The following VWF variants were observed in gnomAD, a reference collection of about 807,000 sequenced individuals.
VWF encodes the protein Factor VIII related antigen.
A neutral mutation model predicts 308.6 loss-of-function variants in VWF; 176 were observed. The observed-to-expected ratio is 0.57, with a 90% CI of 0.50 to 0.65. VWF has a LOEUF of 0.65. VWF is among the 30% of genes least tolerant of loss of function. The probability of loss-of-function intolerance (pLI) is 0.00; values close to 1 mark genes in which losing one functional copy is unlikely to be tolerated. For missense variants in VWF, 3,146 were observed against 3,648.2 expected (o/e 0.86, Z 3.55); for synonymous variants, 1,385 against 1,443.4 (o/e 0.96, Z 0.92).
At chr12:6,087,452 G>A (rs1446982247) in intron 6 of VWF, among the ~76,000 whole-genome samples, 3 of 141,814 alleles carry the variant, frequency 2.1e-5, no homozygotes, top group East Asian at 2.4e-4. Flanking sequence ...TTCGCCTCCC[G>A]GGTTCACGCC....
Position 6,046,955 on chromosome 12 carries a change from A to AACGTTACCAATGGATGATCCCC in VWF, c.2187-160_2187-139dup. The AACGTTACCAATGGATGATCCCC allele has an allele frequency of 1.3e-6, 1 of 757,976 alleles. No individual in the cohort carries two copies. The highest frequency in any genetic ancestry group is 1.5e-5 in the South Asian group (1 of 67,774). The allele number at this position is 757,976 out of a possible 1,614,324, so 47.0% of individuals were successfully genotyped here. On this transcript the variant is annotated intron_variant, in intron 16 of 51. Coordinates refer to ENST00000261405, the MANE Select transcript of VWF (RefSeq NM_000552.5). This position sits in a 1 kb window ranked among gnomAD's most constrained non-coding sequence, Gnocchi z 5.0. ...AACCCCTCCTGAAGCACAGCTTGCT[A>AACGTTACCAATGGATGATCCCC]ACGTTACCAATGGATGATCCCCACG...
chr12:5,951,152 A>G (rs889150221), intron 50 of VWF, among the ~76,000 whole-genome samples: 2 of 152,216 alleles, frequency 1.3e-5, no homozygotes, highest in Non-Finnish European at 2.9e-5. Flanking sequence ...TAGCATTGGG[A>G]TCCTGAAAGT....
chr12:6,009,823 G>A (rs1277330301), intron 34 of VWF, among the ~76,000 whole-genome samples: 1 of 152,220 alleles, frequency 6.6e-6, no homozygotes, highest in Non-Finnish European at 1.5e-5. Context: ...CCTTTCATAT[G>A]CCACAACATA....
intron 47 of VWF, among the ~76,000 whole-genome samples, chr12:5,957,029 T>C (rs1473375279): frequency 1.3e-5 from 2 of 152,222 alleles, no homozygotes; most frequent in African/African-American, 2.4e-5. Flanking sequence ...ATGTCATTTT[T>C]ATCCTTTATA....
rs191257864 is a variant in VWF, at chr12:6,032,362, G to A, written c.2686-784C>T. On this transcript the variant is annotated intron_variant, in intron 20 of 51. Coordinates refer to ENST00000261405, the MANE Select transcript of VWF (RefSeq NM_000552.5). Reference sequence around the variant, plus strand: ...AAGAAAAGAAAAGAAAAAAGAGGCCGGGCATGGTGGCCCACGCCTGTAATC... The same window carrying A: ...AAGAAAAGAAAAGAAAAAAGAGGCCAGGCATGGTGGCCCACGCCTGTAATC... Among the ~76,000 whole-genome samples the A allele has an allele frequency of 3.4e-3, 505 of 149,262 alleles. 37 individuals carry two copies. Among genetic ancestry groups the A allele is most frequent in the African/African-American group, 0.012 (479 of 40,616 alleles).
rs534201231 is a variant in VWF at position 6,046,352 on chromosome 12, T to C, written c.2281+371A>G. Among the ~76,000 whole-genome samples, 7 of 152,226 alleles carry C rather than the reference T, an allele frequency of 4.6e-5. No individual in the cohort carries two copies. The East Asian group carries it at 1.4e-3, about 29-fold the overall frequency. On this transcript the variant is annotated intron_variant, in intron 17 of 51. Transcript: ENST00000261405. This position sits in a 1 kb window ranked among gnomAD's most constrained non-coding sequence, Gnocchi z 5.0. Reference sequence around the variant, plus strand: ...AGAGCTGTCTTCATCAGCATGTCCATAGGAAACAAGAGGCCATCAAAGAAG... The same window carrying C: ...AGAGCTGTCTTCATCAGCATGTCCACAGGAAACAAGAGGCCATCAAAGAAG...
chr12:5,994,726 C>T (rs1016455614), intron 35 of VWF, 119 bp from the exon 36 acceptor site: 1 of 870,920 alleles, frequency 1.1e-6, no homozygotes, highest in Non-Finnish European at 1.9e-6. Context: ...CAGCCACAAA[C>T]CTTGATATTT....
chr12:5,949,884 C>G lies in VWF; in HGVS notation c.8156-1G>C. 1 of 1,613,104 alleles carries G rather than the reference C, an allele frequency of 6.2e-7. No individual in the cohort carries two copies. Among genetic ancestry groups the G allele is most frequent in the East Asian group, 2.2e-5 (1 of 44,870 alleles). On this transcript the variant is annotated splice_acceptor_variant, in intron 50 of 51. Transcript: ENST00000261405. LOFTEE classifies it high-confidence loss of function. The stretch of plus-strand genomic sequence containing the variant: ...ATGTCGTTGCACTCAGGCTCCTCAC[C>G]TACAGGACAGGTGAGAGATGAAACT...
At chr12:5,994,740 G>A (rs138339711) in intron 35 of VWF, 133 bp from the exon 36 acceptor site, 117 of 795,092 alleles carry the variant, frequency 1.5e-4, no homozygotes, top group Non-Finnish European at 2.0e-4. Flanking sequence ...GATATTTGTC[G>A]GCAGCTCTTC....
chr12:6,102,669 A>T lies in VWF; in HGVS notation c.533-7085T>A, dbSNP rs190107847. On this transcript the variant is annotated intron_variant, in intron 5 of 51. Coordinates refer to ENST00000261405, the MANE Select transcript of VWF (RefSeq NM_000552.5). Reference sequence around the variant, plus strand: ...AGAATGGCATGAACCTGGGAGGTGGACCTTGCAGTGAGCCGAGATTGTGCC... The same window carrying T: ...AGAATGGCATGAACCTGGGAGGTGGTCCTTGCAGTGAGCCGAGATTGTGCC... Among the ~76,000 whole-genome samples, 737 of 151,988 alleles carry T rather than the reference A, an allele frequency of 4.8e-3. 6 individuals are homozygous for T. Among genetic ancestry groups the T allele is most frequent in the African/African-American group, 0.016 (681 of 41,428 alleles).
chr12:6,066,050 C>T lies in VWF; in HGVS notation c.1157-777G>A, dbSNP rs2238108. ...GCCAGCTTCCCAGCCCAGGCTGACA[C>T]ATCTGTGGGTGGGGACTAGGACTCC... On this transcript the variant is annotated intron_variant, in intron 10 of 51. Coordinates refer to ENST00000261405, the MANE Select transcript of VWF (RefSeq NM_000552.5). Among the ~76,000 whole-genome samples the T allele has an allele frequency of 1.4e-3, 208 of 152,354 alleles. 1 individual carries two copies. The East Asian group carries it at 0.028, about 21-fold the overall frequency.
Position 6,060,411 on chromosome 12 carries a change from C to T in VWF, c.1534-2367G>A, listed in dbSNP as rs1034042652. On this transcript the variant is annotated intron_variant, in intron 13 of 51. Transcript: ENST00000261405. This position sits in a 1 kb window ranked among gnomAD's most constrained non-coding sequence, Gnocchi z 5.1. ...CCCCTAGCTGCACCTCCTCTTGCAC[C>T]GCCTCTGCCCCAGCTGGCCTCCCTC... 6.6e-6 allele frequency among the ~76,000 whole-genome samples: 1 copy of T among 152,020 alleles called. No individual in the cohort carries two copies. Among genetic ancestry groups the T allele is most frequent in the Non-Finnish European group, 1.5e-5 (1 of 67,996 alleles).
At chr12:6,008,152 A>C (rs1413730077) in intron 34 of VWF, among the ~76,000 whole-genome samples, 1 of 152,144 alleles carries the variant, frequency 6.6e-6, no homozygotes, top group Non-Finnish European at 1.5e-5. Context: ...CTTCCAAAAC[A>C]CTGAAGTGGG....
At chr12:5,982,739 T>A (rs951778849) in intron 41 of VWF, among the ~76,000 whole-genome samples, 1 of 152,194 alleles carries the variant, frequency 6.6e-6, no homozygotes, top group Non-Finnish European at 1.5e-5. Flanking sequence ...AGTGATTACA[T>A]ATATACACCT....
In VWF at chr12:6,018,634, C is replaced by G; in HGVS notation, c.4784G>C (p.Gly1595Ala). The change falls in exon 28 of 52, where the codon GGT becomes GCT. Residue 1595 changes from glycine (G) to alanine (A), a missense_variant. Gly to Ala is a moderately conservative substitution (Grantham distance 60). Around this residue, in one of 3 missense-constraint regions of VWF, gnomAD observed 853 missense variants for 1,177.8 expected, o/e 0.72. Coordinates refer to ENST00000261405, the MANE Select transcript of VWF (RefSeq NM_000552.5). ...LSDHSFLVSQ[G>A]DREQAPNLVY... ...CAGGTTGGGCGCCTGCTCCCGGTCACCCTGGCTGACCAAGAAGCTGTGGTC... is the reference window on the plus strand; with the variant it reads ...CAGGTTGGGCGCCTGCTCCCGGTCAGCCTGGCTGACCAAGAAGCTGTGGTC... 7 of 1,614,078 alleles carry G rather than the reference C, an allele frequency of 4.3e-6. No individual in the cohort carries two copies. Among genetic ancestry groups the G allele is most frequent in the Non-Finnish European group, 5.9e-6 (7 of 1,179,966 alleles).
chr12:6,056,537 T>C (rs1021141158), intron 15 of VWF, among the ~76,000 whole-genome samples: 8 of 152,182 alleles, frequency 5.3e-5, no homozygotes, highest in African/African-American at 1.9e-4. Flanking sequence ...CCTGACCTTC[T>C]GTGCTGAACG....
chr12:6,088,301 AAC>A (rs1944994993), intron 6 of VWF, among the ~76,000 whole-genome samples: 1 of 151,728 alleles, frequency 6.6e-6, no homozygotes, highest in South Asian at 2.1e-4. Flanking sequence ...ACACGGTGAA[AAC>A]CCGTCTCTAC....
intron 47 of VWF, among the ~76,000 whole-genome samples, chr12:5,962,350 T>C (rs12368267): frequency 0.2 from 30,708 of 151,980 alleles, 4,639 homozygotes; most frequent in African/African-American, 0.42. Context: ...TAAATTTATA[T>C]AGAAATTGAA....
At chr12:6,031,611 T>C in intron 20 of VWF, 33 bp from the exon 21 acceptor site, 1 of 1,613,772 alleles carries the variant, frequency 6.2e-7, no homozygotes, top group Non-Finnish European at 8.5e-7. Flanking sequence ...AGAAGACCAT[T>C]ATCCCCACTG....
Sources: allele counts gnomAD v4.1 joint callset (sites outside exome capture counted in the v4.1 genomes callset), GRCh38; gene constraint gnomAD v4.1.1; regional missense constraint gnomAD v4.1.1; non-coding constraint Gnocchi (gnomAD v3.1); transcripts MANE v1.5; gene names NCBI Gene and HGNC (gene_info 2026-07-23, HGNC 2026-07-21).